SULT1B1: variants seen among roughly 807,000 people sequenced by gnomAD.
SULT1B1 encodes sulfotransferase 1B1.
In SULT1B1, 28 loss-of-function variants were observed where a neutral mutation model predicts 34.6. The ratio of observed to expected loss-of-function variants is 0.81; its 90% CI spans 0.60 to 1.11. The LOEUF (loss-of-function observed/expected upper bound fraction) is 1.11. SULT1B1 is among the 50% of genes least tolerant of loss of function. SULT1B1 has a pLI of 0.00. For missense variants in SULT1B1, 374 were observed against 352.2 expected (o/e 1.06, Z -0.50); for synonymous variants, 147 against 110.2 (o/e 1.33, Z -2.09).
At chr4:69,759,448 T>C (rs1273214736) in intron 1 of SULT1B1, among the ~76,000 whole-genome samples, 2 of 152,154 alleles carry the variant, frequency 1.3e-5, no homozygotes, top group Non-Finnish European at 2.9e-5. Flanking sequence ...GCTGTAAAAT[T>C]GTTGCCGGAG....
At chr4:69,756,998 C>G (rs1022472292) in intron 1 of SULT1B1, among the ~76,000 whole-genome samples, 1 of 151,674 alleles carries the variant, frequency 6.6e-6, no homozygotes, top group African/African-American at 2.4e-5. Flanking sequence ...CACACACACA[C>G]AAAGTAATTT....
At chr4:69,729,781 G>T (rs1309667928) in intron 7 of SULT1B1, among the ~76,000 whole-genome samples, 1 of 151,920 alleles carries the variant, frequency 6.6e-6, no homozygotes, top group Non-Finnish European at 1.5e-5. Flanking sequence ...TTCAATCAAA[G>T]ATATTGAAAA....
chr4:69,756,328 T>G (rs2110032987), intron 1 of SULT1B1, among the ~76,000 whole-genome samples: 1 of 152,328 alleles, frequency 6.6e-6, no homozygotes, highest in South Asian at 2.1e-4. Flanking sequence ...TAACTTCTTC[T>G]TGATTAGAAG....
At chr4:69,756,833 G>A (rs545254146) in intron 1 of SULT1B1, among the ~76,000 whole-genome samples, 1 of 152,142 alleles carries the variant, frequency 6.6e-6, no homozygotes, top group Admixed American at 6.5e-5. Flanking sequence ...ACTTCCAGGA[G>A]AGTCACCCTT....
intron 4 of SULT1B1, among the ~76,000 whole-genome samples, chr4:69,749,465 G>A (rs1447359150): frequency 6.6e-6 from 1 of 152,076 alleles, no homozygotes; most frequent in Non-Finnish European, 1.5e-5. Flanking sequence ...AAGATCTAGG[G>A]AGAGTTGGAA....
At chr4:69,737,321 G>A (rs1718357703) in intron 4 of SULT1B1, among the ~76,000 whole-genome samples, 1 of 152,230 alleles carries the variant, frequency 6.6e-6, no homozygotes, top group South Asian at 2.1e-4. Flanking sequence ...TCAATTGCTA[G>A]CAGACCTATC....
intron 4 of SULT1B1, among the ~76,000 whole-genome samples, chr4:69,737,357 C>T (rs1001545808): frequency 2.6e-5 from 4 of 151,664 alleles, no homozygotes; most frequent in African/African-American, 9.7e-5. Flanking sequence ...GGGAAGTTCT[C>T]CAAACAGAAA....
At chr4:69,760,043 A>T (rs1478590058) in intron 1 of SULT1B1, among the ~76,000 whole-genome samples, 2 of 152,244 alleles carry the variant, frequency 1.3e-5, no homozygotes, top group Non-Finnish European at 2.9e-5. Flanking sequence ...AAATCAAGCT[A>T]CTTAAATAAA....
chr4:69,758,526 A>C (rs956557020), intron 1 of SULT1B1: 11 of 959,228 alleles, frequency 1.1e-5, no homozygotes, highest in African/African-American at 1.8e-5. Flanking sequence ...TCATTTCAAA[A>C]ATTGTCTATT....
chr4:69,727,695 T>C (rs1158104568), intron 7 of SULT1B1, among the ~76,000 whole-genome samples: 6 of 152,052 alleles, frequency 3.9e-5, no homozygotes, highest in Non-Finnish European at 5.9e-5. Flanking sequence ...TGCTATGATA[T>C]GGAGATGACA....
rs1262340236 is a variant in SULT1B1, at chr4:69,755,269, A to G, written c.-44-8T>C. On this transcript the variant is annotated splice_region_variant and splice_polypyrimidine_tract_variant and intron_variant, in intron 1 of 7. Transcript: ENST00000310613. Reference sequence around the variant, plus strand: ...AATAGATTGACAGTTGTTCTGGAGAAATATAGAGAATAAAAATCAGAATCT... The same window carrying G: ...AATAGATTGACAGTTGTTCTGGAGAGATATAGAGAATAAAAATCAGAATCT... The G allele has an allele frequency of 1.3e-6, 2 of 1,570,100 alleles. No homozygotes were observed. The highest frequency in any genetic ancestry group is 2.7e-5 in the African/African-American group (2 of 73,622).
intron 3 of SULT1B1, 55 bp downstream of exon 3, chr4:69,754,615 C>T: frequency 6.4e-7 from 1 of 1,552,820 alleles, no homozygotes; most frequent in Admixed American, 1.7e-5. Context: ...TACAATAATG[C>T]ATATGCTGTC....
At chr4:69,739,218 G>A (rs998633069) in intron 4 of SULT1B1, among the ~76,000 whole-genome samples, 1 of 152,172 alleles carries the variant, frequency 6.6e-6, no homozygotes, top group Non-Finnish European at 1.5e-5. Context: ...GCCCCAGTAG[G>A]GACTCTGTGT....
chr4:69,730,672 C>T lies in SULT1B1; in HGVS notation c.607G>A (p.Glu203Lys). 9 of 1,611,498 alleles carry T rather than the reference C, an allele frequency of 5.6e-6. No homozygotes were observed. Among genetic ancestry groups the T allele is most frequent in the Non-Finnish European group, 6.8e-6 (8 of 1,179,296 alleles). ...YYEDMKENPK[E>K]EIKKIIRFLE... ...AATCTAATGATCTTCTTGATTTCCT[C>T]CTTTGGATTCTATTAGTGGGTAAAA... The change falls in exon 7 of 8, where the codon GAG (glutamate) becomes AAG (lysine). Residue 203 changes from glutamate to lysine, a missense_variant. Physicochemically the swap from Glu to Lys is moderately conservative, Grantham distance 56. Coordinates refer to ENST00000310613, the MANE Select transcript of SULT1B1 (RefSeq NM_014465.4).
Position 69,755,054 on chromosome 4 carries a change from A to C in SULT1B1, c.148+16T>G, listed in dbSNP as rs762213952. ...AAATGAGGTCGGACTTGAATTTGTC[A>C]GGCCACAGAACTCACCTGATTTAGG... is the stretch of plus-strand genomic sequence containing the variant. On this transcript the variant is annotated intron_variant, in intron 2 of 7. Transcript: ENST00000310613. 3.8e-6 allele frequency: 6 copies of C among 1,591,880 alleles called. No homozygotes were observed. The highest frequency in any genetic ancestry group is 3.4e-5 in the South Asian group (3 of 89,192).
chr4:69,757,888 T>G (rs1474587311), intron 1 of SULT1B1, among the ~76,000 whole-genome samples: 1 of 152,156 alleles, frequency 6.6e-6, no homozygotes, highest in Non-Finnish European at 1.5e-5. Context: ...ATAGAGGATA[T>G]TAATGGAGAA....
chr4:69,754,583 C>T (rs1036856651), intron 3 of SULT1B1, 87 bp downstream of exon 3: 16 of 1,335,090 alleles, frequency 1.2e-5, no homozygotes, highest in African/African-American at 5.9e-5. Context: ...AAATCTACTC[C>T]GGTTTCAGTG....
At chr4:69,735,045 C>T (rs1030282404) in intron 4 of SULT1B1, among the ~76,000 whole-genome samples, 1 of 152,068 alleles carries the variant, frequency 6.6e-6, no homozygotes, top group Non-Finnish European at 1.5e-5. Context: ...GTCTCGATCT[C>T]CTGAGCTCAT....
At chr4:69,746,905 G>A (rs1168803359) in intron 4 of SULT1B1, among the ~76,000 whole-genome samples, 1 of 152,188 alleles carries the variant, frequency 6.6e-6, no homozygotes, top group African/African-American at 2.4e-5. Flanking sequence ...TTGAGGTTTT[G>A]ACTGTAGTGT....
Sources: allele counts gnomAD v4.1 joint callset (sites outside exome capture counted in the v4.1 genomes callset), GRCh38; gene constraint gnomAD v4.1.1; transcripts MANE v1.5; gene names NCBI Gene and HGNC (gene_info 2026-07-23, HGNC 2026-07-21).